The following KL variants were observed in gnomAD, a reference collection of about 807,000 sequenced individuals.
KL encodes alpha-klotho.
Under a neutral mutation model 84.2 loss-of-function variants are expected in KL, and 62 were observed. The ratio of observed to expected loss-of-function variants is 0.74; its 90% CI spans 0.60 to 0.91. KL has a LOEUF of 0.91. Ranked by LOEUF, KL falls within the 40% of genes least tolerant of loss-of-function variation. KL has a pLI of 0.00. For missense variants in KL, 1,261 were observed against 1,305.7 expected (o/e 0.97, Z 0.53); for synonymous variants, 528 against 528.0 (o/e 1.00, Z 0.00).
chr13:33,060,006 GA>G (rs1365731725), intron 3 of KL, among the ~76,000 whole-genome samples: 2 of 152,018 alleles, frequency 1.3e-5, no homozygotes, highest in African/African-American at 4.8e-5. Context: ...CTCTGTCACT[GA>G]GGCCGATGTA....
chr13:33,059,788 A>G (rs950186718), intron 3 of KL, among the ~76,000 whole-genome samples: 1 of 152,104 alleles, frequency 6.6e-6, no homozygotes, highest in South Asian at 2.1e-4. Flanking sequence ...CGGACTTTCT[A>G]CCATCAGTCA....
chr13:33,033,988 G>A (rs1266693328), intron 1 of KL, among the ~76,000 whole-genome samples: 1 of 151,904 alleles, frequency 6.6e-6, no homozygotes, highest in Non-Finnish European at 1.5e-5. Context: ...TTTTGAAAAG[G>A]CAATCTGAGA....
chr13:33,057,869 T>C (rs1342461025), intron 3 of KL, among the ~76,000 whole-genome samples: 2 of 152,236 alleles, frequency 1.3e-5, no homozygotes, highest in Non-Finnish European at 2.9e-5. Context: ...AACAGTACTC[T>C]ACAGCTTTAA....
chr13:33,017,131 G>T lies in KL; in HGVS notation c.691G>T (p.Val231Phe). Residue 231 changes from valine (V) to phenylalanine (F), a missense_variant, in exon 1 of 5, where the codon GTC becomes TTC. By Grantham distance (50) the Val-to-Phe change is conservative. Transcript: ENST00000380099. ...ELCFRHFGGQ[V>F]KYWITIDNPY... ...CTGCTTCCGCCACTTCGGCGGTCAG[G>T]TCAAGTACTGGATCACCATCGACAA... 6.2e-7 allele frequency: 1 copy of T among 1,603,486 alleles called. No individual in the cohort carries two copies. The highest frequency in any genetic ancestry group is 8.5e-7 in the Non-Finnish European group (1 of 1,179,792).
At chr13:33,051,475 G>A (rs569131490) in intron 1 of KL, among the ~76,000 whole-genome samples, 1 of 152,310 alleles carries the variant, frequency 6.6e-6, no homozygotes, top group South Asian at 2.1e-4. Context: ...AGGCTGCAGT[G>A]AGCCATGATC....
chr13:33,017,057 G>T lies in KL; in HGVS notation c.617G>T (p.Gly206Val), dbSNP rs1202574875. The T allele has an allele frequency of 1.9e-6, 3 of 1,601,328 alleles. No individual in the cohort carries two copies. The highest frequency in any genetic ancestry group is 2.5e-6 in the Non-Finnish European group (3 of 1,177,988). ...CAGCGCCTGCAGGACGCCTACGGCG[G>T]CTGGGCCAACCGCGCCCTGGCCGAC... ...LPQRLQDAYG[G>V]WANRALADHF... is the part of the protein sequence containing the mutation. The change falls in exon 1 of 5, where the codon GGC (glycine) becomes GTC (valine). Residue 206 changes from glycine to valine, a missense_variant. By Grantham distance (109) the Gly-to-Val change is moderately radical. Transcript: ENST00000380099.
intron 1 of KL, among the ~76,000 whole-genome samples, chr13:33,018,463 G>T (rs772662404): frequency 6.6e-6 from 1 of 152,212 alleles, no homozygotes; most frequent in Non-Finnish European, 1.5e-5. Flanking sequence ...GGCTAAATTA[G>T]ATTTTATGTC....
Position 33,053,935 on chromosome 13 carries a change from C to A in KL, c.988C>A (p.Pro330Thr), listed in dbSNP as rs962719557. ...LDFVLGWFAK[P>T]VFIDGDYPES... ...CTTTGTACTAGGTTGGTTTGCCAAA[C>A]CCGTATTTATTGATGGTGACTATCC... Residue 330 changes from proline (P) to threonine (T), a missense_variant, in exon 2 of 5, where the codon CCC becomes ACC. Physicochemically the swap from Pro to Thr is conservative, Grantham distance 38. Coordinates refer to ENST00000380099, the MANE Select transcript of KL (RefSeq NM_004795.4). 6 of 1,613,912 alleles carry A rather than the reference C, an allele frequency of 3.7e-6. No individual in the cohort carries two copies. The highest frequency in any genetic ancestry group is 5.1e-6 in the Non-Finnish European group (6 of 1,179,992).
intron 3 of KL, among the ~76,000 whole-genome samples, chr13:33,058,772 T>C (rs1021167880): frequency 6.6e-6 from 1 of 152,234 alleles, no homozygotes; most frequent in Non-Finnish European, 1.5e-5. Context: ...GTTATGAATT[T>C]AGTCAACTCA....
At chr13:33,017,767 C>T (rs1245934561) in intron 1 of KL, among the ~76,000 whole-genome samples, 1 of 152,200 alleles carries the variant, frequency 6.6e-6, no homozygotes, top group Non-Finnish European at 1.5e-5. Context: ...CCCGGAGAGT[C>T]AGATTTAAAC....
rs564075868 is a variant in KL at position 33,053,870 on chromosome 13, T to A, written c.923T>A (p.Met308Lys). 15 of 1,614,224 alleles carry A rather than the reference T, an allele frequency of 9.3e-6. No individual in the cohort carries two copies. In the South Asian group the frequency reaches 1.6e-4, roughly 18 times the overall value. ...TCTCACTGGATCAATCCTCGAAGAA[T>A]GACCGACCACAGCATCAAAGAATGT... Reference protein sequence around the residue: ...LSSHWINPRRMTDHSIKECQK... With the variant: ...LSSHWINPRRKTDHSIKECQK... The change falls in exon 2 of 5, where the codon ATG (methionine) becomes AAG (lysine). Residue 308 changes from methionine (M) to lysine (K), a missense_variant. Transcript: ENST00000380099.
chr13:33,032,833 C>T (rs373409938), intron 1 of KL, among the ~76,000 whole-genome samples: 8 of 152,162 alleles, frequency 5.3e-5, no homozygotes, highest in African/African-American at 1.9e-4. Flanking sequence ...CTTTTTCCGT[C>T]TCTCCAGGAT....
At position 33,064,303 on chromosome 13, in the gene KL, A is replaced by G. The variant is rs776021687; in HGVS notation, c.*117A>G. On this transcript the variant is annotated 3_prime_UTR_variant, in exon 5 of 5. Transcript: ENST00000380099. ...AAATTTCATACATTTGACTTCTAGA[A>G]AACATTTTTGTGGCTTATGACAGAG... is the stretch of plus-strand genomic sequence containing the variant. 1 of 824,350 alleles carries G rather than the reference A, an allele frequency of 1.2e-6. No individual in the cohort carries two copies. The highest frequency in any genetic ancestry group is 1.7e-5 in the South Asian group (1 of 57,984). 51.1% of individuals were successfully genotyped at this position (824,350 alleles called of 1,614,324 possible). A position where few individuals can be genotyped will look rare whatever the true frequency, so the allele number is the denominator to read the frequency against.
intron 1 of KL, among the ~76,000 whole-genome samples, chr13:33,048,414 C>T (rs1173825682): frequency 6.6e-6 from 1 of 152,178 alleles, no homozygotes; most frequent in Admixed American, 6.5e-5. Context: ...CTGCATTTTT[C>T]TACTCTGGCT....
intron 1 of KL, among the ~76,000 whole-genome samples, chr13:33,021,477 T>G (rs965507199): frequency 2.0e-5 from 3 of 152,224 alleles, no homozygotes; most frequent in Non-Finnish European, 4.4e-5. Flanking sequence ...GTTAGCTGAT[T>G]GAATTTTTAT....
At chr13:33,020,749 C>T (rs1252312470) in intron 1 of KL, among the ~76,000 whole-genome samples, 1 of 152,192 alleles carries the variant, frequency 6.6e-6, no homozygotes, top group African/African-American at 2.4e-5. Flanking sequence ...GATGGAGGTG[C>T]AAGACACCAT....
At chr13:33,040,094 G>C (rs1871284368) in intron 1 of KL, among the ~76,000 whole-genome samples, 1 of 152,294 alleles carries the variant, frequency 6.6e-6, no homozygotes, top group South Asian at 2.1e-4. Flanking sequence ...ACTGCACACA[G>C]AGACTACTGG....
intron 1 of KL, 56 bp downstream of exon 1, chr13:33,017,315 G>A: frequency 7.0e-7 from 1 of 1,437,896 alleles, no homozygotes; most frequent in East Asian, 2.5e-5. Context: ...GGCCTCCACA[G>A]GGGCCAGGGG....
rs1364288112 is a variant in KL, at chr13:33,064,036, TC to T, written c.2891del (p.Pro964GlnfsTer23). The T allele has an allele frequency of 6.2e-7, 1 of 1,614,120 alleles. No individual in the cohort carries two copies. Among genetic ancestry groups the T allele is most frequent in the Non-Finnish European group, 8.5e-7 (1 of 1,180,046 alleles). ...GCCCAGAAACTCTGGAAAGATTTTG[TC>T]CAGAAGAATTCACCGTGTGTACTGA... is the stretch of plus-strand genomic sequence containing the variant. ...PGPETLERFCPEEFTVCTECS... is the reference protein window; with the variant it reads ...PGPETLERFCXEEFTVCTECS... On this transcript the variant is annotated frameshift_variant, in exon 5 of 5. Transcript: ENST00000380099. LOFTEE classifies it high-confidence loss of function.
Sources: gnomAD v4.1 joint callset for allele counts (sites outside exome capture counted in the v4.1 genomes callset) on GRCh38, gnomAD v4.1.1 for gene constraint, MANE v1.5 for transcripts, NCBI Gene and HGNC (gene_info 2026-07-23, HGNC 2026-07-21) for gene names.